SRGAP3: variants seen among roughly 807,000 people sequenced by gnomAD.
SRGAP3 encodes SLIT-ROBO Rho GTPase activating protein 3.
Under a neutral mutation model 121.1 loss-of-function variants are expected in SRGAP3, and 39 were observed. That is an observed-to-expected ratio of 0.32 (90% CI 0.25 to 0.42). The LOEUF (loss-of-function observed/expected upper bound fraction) is 0.42. SRGAP3 is among the 10% of genes least tolerant of loss of function. SRGAP3 has a pLI of 1.00. For synonymous variants in SRGAP3, 601 were observed against 570.0 expected, an observed-to-expected ratio of 1.05 and a Z score of -0.77; for missense variants, 1,213 against 1,470.6, an observed-to-expected ratio of 0.82 and a Z score of 2.86.
At chr3:9,116,768 G>C (rs779481361) in intron 2 of SRGAP3, among the ~76,000 whole-genome samples, 25 of 152,314 alleles carry the variant, frequency 1.6e-4, no homozygotes, top group Admixed American at 3.3e-4. Flanking sequence ...TTGGAGTCAG[G>C]TAAACAAAGA....
At chr3:9,319,306 A>T (rs1955402425) in intron 3 of SRGAP3, among the ~76,000 whole-genome samples, 1 of 151,858 alleles carries the variant, frequency 6.6e-6, no homozygotes, top group African/African-American at 2.4e-5. Context: ...AGAGAAAGGG[A>T]CAGAGGGAGG....
intron 18 of SRGAP3, among the ~76,000 whole-genome samples, chr3:8,999,178 G>C (rs1296984036): frequency 6.6e-6 from 1 of 152,202 alleles, no homozygotes; most frequent in Non-Finnish European, 1.5e-5. Flanking sequence ...AGGAGAGGTT[G>C]AGACTGTCTC....
intron 3 of SRGAP3, among the ~76,000 whole-genome samples, chr3:9,279,110 A>C (rs1410474103): frequency 2.0e-5 from 3 of 151,686 alleles, no homozygotes; most frequent in African/African-American, 4.9e-5. Context: ...GCAACAGGGA[A>C]AAAAAAAGGG....
At chr3:9,138,576 C>T (rs561190538) in intron 1 of SRGAP3, among the ~76,000 whole-genome samples, 1 of 152,242 alleles carries the variant, frequency 6.6e-6, no homozygotes, top group South Asian at 2.1e-4. Context: ...TCTGTCTCTG[C>T]GGACCACCTA....
chr3:9,272,432 C>T (rs1327491620), intron 3 of SRGAP3, among the ~76,000 whole-genome samples: 1 of 152,172 alleles, frequency 6.6e-6, no homozygotes, highest in African/African-American at 2.4e-5. Context: ...CTCCTGGTAG[C>T]CTCCATTCTA....
In SRGAP3 at chr3:9,060,220, A is replaced by C; in HGVS notation, c.801+11T>G. The stretch of plus-strand genomic sequence containing the variant: ...GGCCCTGCTCAGTCCCAGACTCCCC[A>C]GGGAGCTCACATCGATCAGATCAGA... On this transcript the variant is annotated intron_variant, in intron 6 of 21. Coordinates refer to ENST00000383836, the MANE Select transcript of SRGAP3 (RefSeq NM_014850.4). The C allele has an allele frequency of 6.2e-7, 1 of 1,613,870 alleles. No homozygotes were observed. Among genetic ancestry groups the C allele is most frequent in the Non-Finnish European group, 8.5e-7 (1 of 1,179,852 alleles).
chr3:9,118,160 A>G (rs1297960008), intron 2 of SRGAP3, among the ~76,000 whole-genome samples: 2 of 152,112 alleles, frequency 1.3e-5, no homozygotes, highest in Non-Finnish European at 2.9e-5. Context: ...AAATAAATAA[A>G]TAGGGAGAGG....
In SRGAP3 at chr3:9,262,608, A is replaced by C. The variant is rs1001554041; in HGVS notation, n.442+63402T>G. Among the ~76,000 whole-genome samples, 12 of 151,524 alleles carry C rather than the reference A, an allele frequency of 7.9e-5. 1 individual carries two copies. The Admixed American group carries it at 7.9e-4, about 10-fold the overall frequency. On this transcript the variant is annotated intron_variant and non_coding_transcript_variant, in intron 3 of 3. Coordinates refer to the SRGAP3 transcript ENST00000490889. ...TAAAATAGACTTCAAACCAACAAAT[A>C]TCAAAAAAGAAAAAGAAGGGCATTA...
In SRGAP3 at chr3:8,983,506, T is replaced by C. The variant is rs905499249; in HGVS notation, c.*2013A>G. 4.4e-6 allele frequency: 1 copy of C among 229,788 alleles called. No individual in the cohort carries two copies. The highest frequency in any genetic ancestry group is 2.2e-5 in the African/African-American group (1 of 45,076). 14.2% of individuals were successfully genotyped at this position (229,788 alleles called of 1,614,324 possible). A position where few individuals can be genotyped will look rare whatever the true frequency, so the allele number is the denominator to read the frequency against. ...ACTTAACTAGGTCCCTCCCTTTGGG[T>C]GTATTTACCTTTTCGCGGGGGACCA... is the stretch of plus-strand genomic sequence containing the variant. On this transcript the variant is annotated 3_prime_UTR_variant, in exon 22 of 22. Coordinates refer to ENST00000383836, the MANE Select transcript of SRGAP3 (RefSeq NM_014850.4).
chr3:9,360,190 A>C (rs1244375743), intron 1 of SRGAP3, among the ~76,000 whole-genome samples: 2 of 152,094 alleles, frequency 1.3e-5, no homozygotes, highest in Admixed American at 6.5e-5. Flanking sequence ...CTGCCTCCCA[A>C]ATTGCTAGAA....
At chr3:9,188,815 A>G (rs1374573190) in intron 1 of SRGAP3, among the ~76,000 whole-genome samples, 3 of 152,204 alleles carry the variant, frequency 2.0e-5, no homozygotes, top group Non-Finnish European at 4.4e-5. Context: ...ATAAATGCAA[A>G]TAGGGAAAGA....
At position 9,133,352 on chromosome 3, in the gene SRGAP3, C is replaced by A. The variant is rs538478550; in HGVS notation, c.68-8435G>T. Among the ~76,000 whole-genome samples the A allele has an allele frequency of 7.2e-5, 11 of 151,900 alleles. 1 individual carries two copies. Among genetic ancestry groups the A allele is most frequent in the Admixed American group, 7.2e-4 (11 of 15,226 alleles). ...ACAAAAACTTATCTGGGCATGGTGG[C>A]GCACACCTGTAATCCCAGCTAACTG... On this transcript the variant is annotated intron_variant, in intron 1 of 21. Coordinates refer to ENST00000383836, the MANE Select transcript of SRGAP3 (RefSeq NM_014850.4).
At position 9,053,111 on chromosome 3, in the gene SRGAP3, C is replaced by G; in HGVS notation, c.1239G>C (p.Ser413=). The G allele has an allele frequency of 6.2e-7, 1 of 1,614,150 alleles. No homozygotes were observed. The highest frequency in any genetic ancestry group is 8.5e-7 in the Non-Finnish European group (1 of 1,180,036). ...TGCTCATGTAGGTCTCAGAGGCAGC[C>G]GACTTGACGGACTCTGTCGATCGAC... ...QHSRSTESVK[S]AASETYMSKI... is the part of the protein sequence containing the mutation. The change falls in exon 9 of 22, where the codon TCG becomes TCC. Residue 413 remains serine (S), a synonymous_variant. Transcript: ENST00000383836.
intron 17 of SRGAP3, among the ~76,000 whole-genome samples, chr3:9,011,135 T>C (rs1943350640): frequency 6.6e-6 from 1 of 152,138 alleles, no homozygotes; most frequent in African/African-American, 2.4e-5. Context: ...ACAAGGTTCC[T>C]GGCTTCATGT....
intron 3 of SRGAP3, among the ~76,000 whole-genome samples, chr3:9,299,134 G>A (rs1032801938): frequency 1.2e-3 from 174 of 150,310 alleles, no homozygotes; most frequent in African/African-American, 4.0e-3. Context: ...AGGCCGAGCC[G>A]GATGGATCAC....
At chr3:9,161,677 T>C (rs909101343) in intron 1 of SRGAP3, among the ~76,000 whole-genome samples, 1 of 152,162 alleles carries the variant, frequency 6.6e-6, no homozygotes, top group African/African-American at 2.4e-5. Flanking sequence ...TTGATAAATA[T>C]CAGTACCAAC....
chr3:9,107,600 G>A (rs1575084091), intron 2 of SRGAP3, among the ~76,000 whole-genome samples: 3 of 152,352 alleles, frequency 2.0e-5, no homozygotes, highest in African/African-American at 7.2e-5. Flanking sequence ...GTGGTTCTCA[G>A]TGTGGCCCCT....
At chr3:9,252,427 T>C (rs73120616), upstream of SRGAP3, among the ~76,000 whole-genome samples, 2,147 of 152,212 alleles carry the variant, frequency 0.014, 49 homozygotes, top group African/African-American at 0.049. Flanking sequence ...ATAAAACTTT[T>C]TTCTTTAATT....
Position 8,993,075 on chromosome 3 carries a change from G to A in SRGAP3, c.2409-20C>T. The A allele has an allele frequency of 6.2e-7, 1 of 1,613,410 alleles. No individual in the cohort carries two copies. The highest frequency in any genetic ancestry group is 8.5e-7 in the Non-Finnish European group (1 of 1,180,016). Reference sequence around the variant, plus strand: ...TCATCCCTGGGGAGAAGACAGACATGAATTGGAGGCACCTTCCCCCAAAGA... The same window carrying A: ...TCATCCCTGGGGAGAAGACAGACATAAATTGGAGGCACCTTCCCCCAAAGA... On this transcript the variant is annotated intron_variant, in intron 19 of 21. Transcript: ENST00000383836.
Sources: gnomAD v4.1 joint callset for allele counts (sites outside exome capture counted in the v4.1 genomes callset) on GRCh38, gnomAD v4.1.1 for gene constraint, MANE v1.5 for transcripts, NCBI Gene and HGNC (gene_info 2026-07-23, HGNC 2026-07-21) for gene names.